Variants in ASTN2 observed in about 807,000 individuals in gnomAD.
ASTN2 encodes astrotactin-2.
A neutral mutation model predicts 139.8 loss-of-function variants in ASTN2; 54 were observed. The ratio of observed to expected loss-of-function variants is 0.39; its 90% CI spans 0.31 to 0.48. ASTN2 has a LOEUF of 0.48. ASTN2 is among the 20% of genes least tolerant of loss of function. The pLI, the probability that ASTN2 is intolerant of heterozygous loss-of-function variation, is 0.95. For synonymous variants in ASTN2, 756 were observed against 719.5 expected (o/e 1.05, Z -0.81); for missense variants, 1,565 against 1,725.1 (o/e 0.91, Z 1.64).
chr9:116,723,968 C>CG (rs1554738083), intron 16 of ASTN2, among the ~76,000 whole-genome samples: 9 of 150,640 alleles, frequency 6.0e-5, no homozygotes, highest in Non-Finnish European at 1.2e-4. Context: ...CTTTCTTCCC[C>CG]TCTCCCATCT....
intron 3 of ASTN2, among the ~76,000 whole-genome samples, chr9:117,196,956 T>C (rs573660676): frequency 6.6e-6 from 1 of 152,320 alleles, no homozygotes; most frequent in Non-Finnish European, 1.5e-5. Context: ...CCAGCATTTA[T>C]CAAACTTTCA....
intron 1 of ASTN2, among the ~76,000 whole-genome samples, chr9:117,405,853 A>G (rs1461039237): frequency 6.6e-6 from 1 of 152,200 alleles, no homozygotes; most frequent in East Asian, 1.9e-4. Flanking sequence ...CTCCAAACAC[A>G]ATGATCTTTC....
intron 11 of ASTN2, among the ~76,000 whole-genome samples, chr9:116,828,178 T>A (rs1831694685): frequency 6.6e-6 from 1 of 151,640 alleles, no homozygotes; most frequent in African/African-American, 2.4e-5. Context: ...ACGCCTATAA[T>A]CCCAGCTATT....
intron 5 of ASTN2, among the ~76,000 whole-genome samples, chr9:117,073,914 G>C (rs1262864339): frequency 6.6e-6 from 1 of 152,188 alleles, no homozygotes; most frequent in Admixed American, 6.5e-5. Flanking sequence ...GAAAGTCAGA[G>C]AAAATGGACT....
At chr9:116,614,407 A>G (rs1365060239) in intron 19 of ASTN2, among the ~76,000 whole-genome samples, 1 of 152,164 alleles carries the variant, frequency 6.6e-6, no homozygotes, top group African/African-American at 2.4e-5. Flanking sequence ...AAGAGCCCAC[A>G]TTGCCAAGAC....
At chr9:117,060,852 G>A (rs888929239) in intron 5 of ASTN2, among the ~76,000 whole-genome samples, 19 of 151,958 alleles carry the variant, frequency 1.3e-4, no homozygotes, top group African/African-American at 4.4e-4. Context: ...CCAAGATTGT[G>A]CCACTGCACT....
At chr9:117,275,385 A>G (rs767053279) in intron 2 of ASTN2, among the ~76,000 whole-genome samples, 2 of 152,138 alleles carry the variant, frequency 1.3e-5, no homozygotes, top group Non-Finnish European at 2.9e-5. Flanking sequence ...GATGGCCTCA[A>G]CAACAGAATT....
rs1465759338 is a variant in ASTN2 at position 116,698,448 on chromosome 9, G to T, written c.2806+27323C>A. On this transcript the variant is annotated intron_variant, in intron 16 of 22. Transcript: ENST00000313400. This position sits in a 1 kb window ranked among gnomAD's most constrained non-coding sequence, Gnocchi z 4.4. ...GCTTAACATTGCAGAGGTGCAGGCT[G>T]TGTCTCGCTGTGACTACTTCCTGGC... is the stretch of plus-strand genomic sequence containing the variant. 6 of 1,613,988 alleles carry T rather than the reference G, an allele frequency of 3.7e-6. No homozygotes were observed.
chr9:116,533,099 G>C (rs1587951478), intron 19 of ASTN2, among the ~76,000 whole-genome samples: 1 of 152,040 alleles, frequency 6.6e-6, no homozygotes, highest in East Asian at 1.9e-4. Flanking sequence ...TGGATTCCTA[G>C]GTATTTTATT....
At chr9:116,538,416 T>C (rs1051077721) in intron 19 of ASTN2, among the ~76,000 whole-genome samples, 6 of 152,040 alleles carry the variant, frequency 3.9e-5, no homozygotes, top group Admixed American at 3.9e-4. Context: ...CTACTGAAAA[T>C]AAATCTTCAG....
chr9:116,439,206 T>G (rs1309399077), intron 22 of ASTN2, among the ~76,000 whole-genome samples: 1 of 104,052 alleles, frequency 9.6e-6, no homozygotes, highest in Non-Finnish European at 1.8e-5. Context: ...TTTTTTTTTT[T>G]TTTTTTTTTT....
chr9:116,785,322 T>A (rs1830341782), intron 13 of ASTN2, among the ~76,000 whole-genome samples: 2 of 152,166 alleles, frequency 1.3e-5, no homozygotes, highest in African/African-American at 4.8e-5. Context: ...TCATTTCTTT[T>A]CTGTCATCTA....
At chr9:116,657,004 A>G (rs1443379726) in intron 16 of ASTN2, among the ~76,000 whole-genome samples, 1 of 152,206 alleles carries the variant, frequency 6.6e-6, no homozygotes, top group Non-Finnish European at 1.5e-5. Context: ...TGAGACTTTT[A>G]TATCATAAAG....
chr9:116,718,693 A>G, intron 16 of ASTN2, among the ~76,000 whole-genome samples: 1 of 151,854 alleles, frequency 6.6e-6, no homozygotes, highest in Non-Finnish European at 1.5e-5. Context: ...GAATGTCTTG[A>G]GCTAGGACAT....
intron 17 of ASTN2, among the ~76,000 whole-genome samples, chr9:116,634,488 G>A (rs1465778087): frequency 6.6e-6 from 1 of 150,874 alleles, no homozygotes; most frequent in Non-Finnish European, 1.5e-5. Flanking sequence ...TACTCGGAAG[G>A]CTGAGGCAGG....
At chr9:116,973,569 T>C (rs561186439) in intron 10 of ASTN2, among the ~76,000 whole-genome samples, 1 of 152,350 alleles carries the variant, frequency 6.6e-6, no homozygotes, top group South Asian at 2.1e-4. Flanking sequence ...TGAGGAAAGC[T>C]AGTCAAGACT....
At chr9:116,490,975 T>C (rs16933606) in intron 19 of ASTN2, among the ~76,000 whole-genome samples, 2,781 of 152,304 alleles carry the variant, frequency 0.018, 89 homozygotes, top group African/African-American at 0.063. Flanking sequence ...GATAGTTCCA[T>C]GAATTTCAGA....
intron 6 of ASTN2, among the ~76,000 whole-genome samples, chr9:117,034,109 G>C (rs9696732): frequency 0.17 from 26,476 of 152,022 alleles, 3,153 homozygotes; most frequent in African/African-American, 0.34. Context: ...GGAATTCTAG[G>C]TGGACTGTTA....
At chr9:117,398,747 G>A (rs1332256583) in intron 1 of ASTN2, among the ~76,000 whole-genome samples, 4 of 152,110 alleles carry the variant, frequency 2.6e-5, no homozygotes, top group Admixed American at 6.5e-5. Flanking sequence ...CAATATCTCC[G>A]AATTGCATTA....
Sources: gnomAD v4.1 joint callset for allele counts (sites outside exome capture counted in the v4.1 genomes callset) on GRCh38, gnomAD v4.1.1 for gene constraint, Gnocchi (gnomAD v3.1) non-coding constraint, MANE v1.5 for transcripts, NCBI Gene and HGNC (gene_info 2026-07-23, HGNC 2026-07-21) for gene names.